Variants in NUP58 observed in about 807,000 individuals in gnomAD.
The protein encoded by NUP58 is nucleoporin 58.
In NUP58, 17 loss-of-function variants were observed where a neutral mutation model predicts 70.1. The observed-to-expected ratio is 0.24, with a 90% confidence interval of 0.17 to 0.36. The LOEUF (loss-of-function observed/expected upper bound fraction) is 0.36. NUP58 is among the 10% of genes least tolerant of loss of function. NUP58 has a pLI of 1.00. For missense variants in NUP58, 644 were observed against 701.5 expected (o/e 0.92, Z 0.93); for synonymous variants, 275 against 257.6 (o/e 1.07, Z -0.65).
downstream of NUP58, among the ~76,000 whole-genome samples, chr13:25,345,771 T>C (rs1213706115): frequency 6.6e-6 from 1 of 151,880 alleles, no homozygotes; most frequent in Non-Finnish European, 1.5e-5. Flanking sequence ...ACTGGCCCTT[T>C]AAAAAGCTCA....
chr13:25,348,479 A>G (rs1213767122), intron 3 of NUP58, among the ~76,000 whole-genome samples: 1 of 152,120 alleles, frequency 6.6e-6, no homozygotes, highest in African/African-American at 2.4e-5. Flanking sequence ...GTCTTGTTAC[A>G]TTGCCCAGGC....
At chr13:25,336,896 G>GT (rs150984449) in intron 13 of NUP58, 40 bp from the exon 14 acceptor site, 145 of 1,321,698 alleles carry the variant, frequency 1.1e-4, no homozygotes, top group South Asian at 1.8e-4. Flanking sequence ...AGGCAAATTT[G>GT]TTTTTTTTCC....
At chr13:25,337,264 G>C (rs972117311) in intron 14 of NUP58, among the ~76,000 whole-genome samples, 1 of 151,984 alleles carries the variant, frequency 6.6e-6, no homozygotes, top group Non-Finnish European at 1.5e-5. Flanking sequence ...TTAAGTGGTA[G>C]GCATGTTCAT....
chr13:25,333,628 C>T, intron 13 of NUP58: 1 of 985,274 alleles, frequency 1.0e-6, no homozygotes, highest in Non-Finnish European at 1.2e-6. Context: ...CCAGGCCTTC[C>T]CAGTCAAAAT....
intron 15 of NUP58, among the ~76,000 whole-genome samples, chr13:25,339,646 G>A (rs2031895110): frequency 6.6e-6 from 1 of 152,118 alleles, no homozygotes. Context: ...TTTTTGGTGG[G>A]TCTAAGGAGG....
chr13:25,319,403 T>A, intron 7 of NUP58, 53 bp downstream of exon 7: 2 of 1,501,496 alleles, frequency 1.3e-6, no homozygotes, highest in Non-Finnish European at 1.9e-6. Flanking sequence ...TTTAACTTAT[T>A]AAATTGTAGG....
chr13:25,314,158 TC>T (rs1233006975), intron 5 of NUP58, among the ~76,000 whole-genome samples: 1 of 152,044 alleles, frequency 6.6e-6, no homozygotes, highest in African/African-American at 2.4e-5. Flanking sequence ...GTCTCAAACT[TC>T]TGACCTCAAG....
intron 13 of NUP58, chr13:25,335,914 A>T (rs760952803): frequency 1.3e-4 from 139 of 1,100,126 alleles, no homozygotes; most frequent in Non-Finnish European, 1.5e-4. Context: ...TTTATTGAAT[A>T]ATTTTCATAA....
chr13:25,336,172 C>T (rs760571167), intron 13 of NUP58: 12 of 1,362,182 alleles, frequency 8.8e-6, no homozygotes, highest in Non-Finnish European at 9.8e-7. Flanking sequence ...TCAAGGTACA[C>T]AGCGGTGCCT....
Position 25,331,982 on chromosome 13 carries a change from A to G in NUP58, c.1435+424A>G, listed in dbSNP as rs1247981789. ...TGGTGCATTCTCATTTTCCTCATAC[A>G]TAGTGATTACAAAGTACCCACATTC... On this transcript the variant is annotated intron_variant, in intron 13 of 15. Transcript: ENST00000381736. The G allele has an allele frequency of 5.9e-6, 6 of 1,023,994 alleles. No homozygotes were observed. In the South Asian group the frequency reaches 1.9e-4, roughly 32 times the overall value. The allele number at this position is 1,023,994 out of a possible 1,614,324, so 63.4% of individuals were successfully genotyped here.
At chr13:25,318,164 C>T (rs1184093848) in intron 6 of NUP58, among the ~76,000 whole-genome samples, 1 of 152,030 alleles carries the variant, frequency 6.6e-6, no homozygotes, top group East Asian at 1.9e-4. Flanking sequence ...CCCGTCTCTA[C>T]TAAAAATGCA....
intron 3 of NUP58, 127 bp from the exon 4 acceptor site, chr13:25,312,756 C>T (rs2030731462): frequency 1.2e-6 from 1 of 823,676 alleles, no homozygotes; most frequent in African/African-American, 1.7e-5. Flanking sequence ...CAGATACACC[C>T]TTCTTCTATT....
At chr13:25,347,021 C>T (rs1300591143), downstream of NUP58, among the ~76,000 whole-genome samples, 1 of 152,116 alleles carries the variant, frequency 6.6e-6, no homozygotes, top group East Asian at 1.9e-4. Flanking sequence ...ATAATGACAT[C>T]TTGGGGATGG....
chr13:25,330,535 G>A lies in NUP58; in HGVS notation c.1234-822G>A, dbSNP rs945114632. Among the ~76,000 whole-genome samples, 5 of 152,176 alleles carry A rather than the reference G, an allele frequency of 3.3e-5. No homozygotes were observed. In the South Asian group the frequency reaches 1.0e-3, roughly 31 times the overall value. On this transcript the variant is annotated intron_variant, in intron 12 of 15. Coordinates refer to ENST00000381736, the MANE Select transcript of NUP58 (RefSeq NM_014089.4). ...AATGTAAGAAATATGAAAAATCTGTGTCTCTTCAAAAAGTGGTTAAAAACC... is the reference window on the plus strand; with the variant it reads ...AATGTAAGAAATATGAAAAATCTGTATCTCTTCAAAAAGTGGTTAAAAACC...
chr13:25,317,124 A>G (rs2030968232), intron 6 of NUP58, among the ~76,000 whole-genome samples: 1 of 152,124 alleles, frequency 6.6e-6, no homozygotes, highest in Non-Finnish European at 1.5e-5. Context: ...AACCAGATAG[A>G]GAGTAGCAAT....
rs2031153948 is a variant in NUP58 at position 25,320,916 on chromosome 13, T to A, written c.777-3T>A. 4 of 1,534,180 alleles carry A rather than the reference T, an allele frequency of 2.6e-6. No homozygotes were observed. The East Asian group carries it at 9.3e-5, about 36-fold the overall frequency. On this transcript the variant is annotated splice_region_variant and splice_polypyrimidine_tract_variant and intron_variant, in intron 8 of 15. Coordinates refer to ENST00000381736, the MANE Select transcript of NUP58 (RefSeq NM_014089.4). ...AAAACTCAGTTTTAAATATATTTTTTAGGAAATTTGTGAAGGAGCAGAAAC... is the reference window on the plus strand; with the variant it reads ...AAAACTCAGTTTTAAATATATTTTTAAGGAAATTTGTGAAGGAGCAGAAAC...
intron 12 of NUP58, among the ~76,000 whole-genome samples, chr13:25,328,250 A>G (rs569620462): frequency 6.6e-6 from 1 of 152,152 alleles, no homozygotes; most frequent in South Asian, 2.1e-4. Context: ...GTACTACCTT[A>G]ATTTTATCTG....
At position 25,325,036 on chromosome 13, in the gene NUP58, T is replaced by C; in HGVS notation, c.999T>C (p.Pro333=). 5.0e-6 allele frequency: 8 copies of C among 1,611,174 alleles called. No individual in the cohort carries two copies. Among genetic ancestry groups the C allele is most frequent in the Non-Finnish European group, 6.8e-6 (8 of 1,178,772 alleles). ...CTTTAAGAACCCAGAAGACACCACC[T>C]GGACTTCAACATGAATATGCAGCTC... The part of the protein sequence containing the change: ...EIALRTQKTP[P]GLQHEYAAPA... The change falls in exon 10 of 16, where the codon CCT becomes CCC. Residue 333 remains proline, a synonymous_variant. Transcript: ENST00000381736.
Position 25,313,644 on chromosome 13 carries a change from G to A in NUP58, c.467G>A (p.Gly156Asp), listed in dbSNP as rs1317927157. The A allele has an allele frequency of 3.3e-6, 5 of 1,524,030 alleles. No homozygotes were observed. The highest frequency in any genetic ancestry group is 4.4e-6 in the Non-Finnish European group (5 of 1,149,178). 94.4% of individuals were successfully genotyped at this position (1,524,030 alleles called of 1,614,324 possible). A position where few individuals can be genotyped will look rare whatever the true frequency, so the allele number is the denominator to read the frequency against. ...ACAGGATTTACTCTAAATAATTTGG[G>A]TGGGACAACAGCCACAACTACAACT... is the stretch of plus-strand genomic sequence containing the variant. The part of the protein sequence containing the change: ...ASTGFTLNNL[G>D]GTTATTTTAS... Residue 156 changes from glycine (G) to aspartate (D), a missense_variant, in exon 5 of 16, where the codon GGT becomes GAT. Gly to Asp is a moderately conservative substitution (Grantham distance 94). Around this residue, in one of 4 missense-constraint regions of NUP58, gnomAD observed 430 missense variants for 409.2 expected, o/e 1.05. Transcript: ENST00000381736.
Sources: allele counts gnomAD v4.1 joint callset (sites outside exome capture counted in the v4.1 genomes callset), GRCh38; gene constraint gnomAD v4.1.1; regional missense constraint gnomAD v4.1.1; transcripts MANE v1.5; gene names NCBI Gene and HGNC (gene_info 2026-07-23, HGNC 2026-07-21).